SEMA5A: variants seen among roughly 807,000 people sequenced by gnomAD.
SEMA5A encodes semaphorin 5A, also known as semaphorin-5A.
A neutral mutation model predicts 135.5 loss-of-function variants in SEMA5A; 55 were observed. The ratio of observed to expected loss-of-function variants is 0.41; its 90% CI spans 0.33 to 0.51. The LOEUF (loss-of-function observed/expected upper bound fraction) is 0.51, where lower values mean the gene tolerates loss of function less well. Among genes scored for constraint, SEMA5A ranks in the 20% least tolerant of loss-of-function variants. SEMA5A has a pLI of 0.37. For missense variants in SEMA5A, 1,290 were observed against 1,419.9 expected (o/e 0.91, Z 1.47); for synonymous variants, 580 against 546.5 (o/e 1.06, Z -0.85).
chr5:9,101,266 C>T (rs1739617303), intron 16 of SEMA5A, among the ~76,000 whole-genome samples: 1 of 152,194 alleles, frequency 6.6e-6, no homozygotes, highest in African/African-American at 2.4e-5. Context: ...GATGAGGCCA[C>T]ACAGTGTAGT....
intron 5 of SEMA5A, among the ~76,000 whole-genome samples, chr5:9,241,449 A>G (rs1178669145): frequency 6.6e-6 from 1 of 151,618 alleles, no homozygotes; most frequent in Non-Finnish European, 1.5e-5. Context: ...AGGAGTCAAC[A>G]GTGTTCATTT....
At chr5:9,145,238 A>T (rs897354514) in intron 12 of SEMA5A, among the ~76,000 whole-genome samples, 6 of 152,166 alleles carry the variant, frequency 3.9e-5, no homozygotes, top group Admixed American at 2.0e-4. Context: ...ATTCTTATTA[A>T]GTACCAGCCC....
chr5:9,108,398 G>A (rs1740043545), intron 15 of SEMA5A, 111 bp from the exon 16 acceptor site: 28 of 1,248,390 alleles, frequency 2.2e-5, no homozygotes, highest in South Asian at 2.8e-5. Context: ...CATGCTCTGC[G>A]TGGAGGAGCT....
chr5:9,378,777 T>C (rs956636440), intron 3 of SEMA5A, among the ~76,000 whole-genome samples: 2 of 152,216 alleles, frequency 1.3e-5, no homozygotes, highest in African/African-American at 4.8e-5. Context: ...TGCCGAAGTA[T>C]TTATGAACCC....
chr5:9,386,631 G>T (rs1048438418), intron 2 of SEMA5A, among the ~76,000 whole-genome samples: 1 of 152,208 alleles, frequency 6.6e-6, no homozygotes, highest in Non-Finnish European at 1.5e-5. Flanking sequence ...AGCCACAGCG[G>T]CAGCTCCTTT....
chr5:9,452,699 G>A (rs1758690340), intron 1 of SEMA5A, among the ~76,000 whole-genome samples: 1 of 152,156 alleles, frequency 6.6e-6, no homozygotes, highest in Non-Finnish European at 1.5e-5. Context: ...AAACTGAGAT[G>A]CAGGTCTAAA....
chr5:9,087,006 A>T (rs1561139150), intron 16 of SEMA5A, among the ~76,000 whole-genome samples: 1 of 152,026 alleles, frequency 6.6e-6, no homozygotes, highest in East Asian at 1.9e-4. Flanking sequence ...CTCTGTGCCC[A>T]CTTCTGTGGA....
intron 1 of SEMA5A, among the ~76,000 whole-genome samples, chr5:9,501,646 T>C (rs1429335974): frequency 6.6e-6 from 1 of 152,178 alleles, no homozygotes; most frequent in African/African-American, 2.4e-5. Flanking sequence ...ATCCGGGCTC[T>C]GGGCTGCAGG....
At chr5:9,121,542 A>T (rs7709416) in intron 14 of SEMA5A, among the ~76,000 whole-genome samples, 2 of 152,258 alleles carry the variant, frequency 1.3e-5, no homozygotes, top group East Asian at 3.8e-4. Context: ...CAATATGAGC[A>T]AAGAGTATTA....
chr5:9,483,393 G>T (rs531251972), intron 1 of SEMA5A, among the ~76,000 whole-genome samples: 1 of 152,116 alleles, frequency 6.6e-6, no homozygotes, highest in Non-Finnish European at 1.5e-5. Flanking sequence ...TGCTAATCAT[G>T]CTTAAAAGAA....
At chr5:9,100,480 G>A (rs2150140713) in intron 16 of SEMA5A, among the ~76,000 whole-genome samples, 1 of 152,232 alleles carries the variant, frequency 6.6e-6, no homozygotes, top group South Asian at 2.1e-4. Context: ...ATGGTAGCTG[G>A]GAAGGTGACA....
chr5:9,079,409 G>A lies in SEMA5A; in HGVS notation c.2074-12763C>T, dbSNP rs141875963. Among the ~76,000 whole-genome samples the A allele has an allele frequency of 4.9e-3, 745 of 152,198 alleles. 2 individuals carry two copies. The highest frequency in any genetic ancestry group is 0.024 in the Middle Eastern group (7 of 294). ...CCAGAATCTCTGGGACACAGCTAAA[G>A]CAGTGTTTAGAGGGAAATTTATAGC... On this transcript the variant is annotated intron_variant, in intron 16 of 22. Transcript: ENST00000382496.
intron 3 of SEMA5A, among the ~76,000 whole-genome samples, chr5:9,341,674 T>TTA (rs920976658): frequency 4.4e-5 from 1 of 22,870 alleles, no homozygotes; most frequent in Admixed American, 4.7e-4. Context: ...ATAATATATA[T>TTA]TATATATATA....
At chr5:9,148,607 C>T (rs1439722859) in intron 12 of SEMA5A, among the ~76,000 whole-genome samples, 2 of 152,282 alleles carry the variant, frequency 1.3e-5, no homozygotes, top group East Asian at 3.9e-4. Flanking sequence ...CTTCATATAC[C>T]CGCACTAGGA....
At chr5:9,443,025 G>A (rs1310683352) in intron 1 of SEMA5A, among the ~76,000 whole-genome samples, 14 of 152,180 alleles carry the variant, frequency 9.2e-5, no homozygotes, top group Admixed American at 9.2e-4. Flanking sequence ...TCAGATGTGG[G>A]CTGTGGGATA....
At chr5:9,162,569 T>TATACATATATAC (rs1743344707) in intron 11 of SEMA5A, among the ~76,000 whole-genome samples, 1 of 49,430 alleles carries the variant, frequency 2.0e-5, no homozygotes, top group African/African-American at 5.7e-5. Flanking sequence ...TGTGTGTATA[T>TATACATATATAC]ATATATATAT....
chr5:9,353,377 GGA>G, intron 3 of SEMA5A, among the ~76,000 whole-genome samples: 1 of 149,110 alleles, frequency 6.7e-6, no homozygotes, highest in Non-Finnish European at 1.5e-5. Flanking sequence ...GGAAAGGAAA[GGA>G]AAGGAAAGGA....
At chr5:9,060,019 G>A (rs929990021) in intron 18 of SEMA5A, among the ~76,000 whole-genome samples, 1 of 152,134 alleles carries the variant, frequency 6.6e-6, no homozygotes, top group Non-Finnish European at 1.5e-5. Context: ...CCTGGTGACT[G>A]TGCAGCTCAG....
At chr5:9,513,226 G>C (rs1418078132) in intron 1 of SEMA5A, among the ~76,000 whole-genome samples, 1 of 151,556 alleles carries the variant, frequency 6.6e-6, no homozygotes, top group Non-Finnish European at 1.5e-5. Context: ...GTGTGTCTTG[G>C]TAAATTTAGG....
Sources: gnomAD v4.1 joint callset for allele counts (sites outside exome capture counted in the v4.1 genomes callset) on GRCh38, gnomAD v4.1.1 for gene constraint, MANE v1.5 for transcripts, NCBI Gene and HGNC (gene_info 2026-07-23, HGNC 2026-07-21) for gene names.